The following PDHX variants were observed in gnomAD, a reference collection of about 807,000 sequenced individuals.
PDHX encodes the protein pyruvate dehydrogenase complex component X.
In PDHX, 33 loss-of-function variants were observed where a neutral mutation model predicts 55.3. That is an observed-to-expected ratio of 0.60 (90% CI 0.45 to 0.80). The LOEUF is 0.80. PDHX is among the 30% of genes least tolerant of loss of function. The pLI, the probability that PDHX is intolerant of heterozygous loss-of-function variation, is 0.00. For missense variants in PDHX, 622 were observed against 619.9 expected, an observed-to-expected ratio of 1.00 and a Z score of -0.04; for synonymous variants, 226 against 219.4, an observed-to-expected ratio of 1.03 and a Z score of -0.27.
intron 1 of PDHX, among the ~76,000 whole-genome samples, chr11:34,919,157 T>A (rs1853813492): frequency 6.6e-6 from 1 of 152,220 alleles, no homozygotes; most frequent in African/African-American, 2.4e-5. Context: ...TATTTGGAAG[T>A]GTTGGACTTT....
chr11:34,924,690 T>G (rs1006652402), intron 1 of PDHX, among the ~76,000 whole-genome samples: 3 of 152,172 alleles, frequency 2.0e-5, no homozygotes, highest in Non-Finnish European at 4.4e-5. Context: ...TCCTTGAGTT[T>G]TTTTAAATTA....
At chr11:34,948,189 C>G (rs1225228009) in intron 3 of PDHX, among the ~76,000 whole-genome samples, 1 of 152,212 alleles carries the variant, frequency 6.6e-6, no homozygotes, top group East Asian at 1.9e-4. Context: ...ATATGCTCAT[C>G]TCAAGACCTG....
intron 2 of PDHX, among the ~76,000 whole-genome samples, chr11:34,944,213 A>G (rs1186093860): frequency 6.6e-6 from 1 of 151,824 alleles, no homozygotes; most frequent in Non-Finnish European, 1.5e-5. Flanking sequence ...CCCTTCTCCC[A>G]GGTTCAAGTG....
intron 2 of PDHX, among the ~76,000 whole-genome samples, chr11:34,943,314 A>G (rs1337363317): frequency 6.6e-6 from 1 of 152,242 alleles, no homozygotes; most frequent in African/African-American, 2.4e-5. Context: ...TATGTAGGTC[A>G]AGTTACTCAG....
chr11:34,934,914 T>G (rs1590734719), intron 2 of PDHX, among the ~76,000 whole-genome samples: 1 of 139,238 alleles, frequency 7.2e-6, no homozygotes, highest in African/African-American at 2.8e-5. Flanking sequence ...AATAATATTT[T>G]GGTTATATTT....
chr11:34,929,162 C>CA (rs33992348), intron 1 of PDHX, among the ~76,000 whole-genome samples: 121,403 of 152,070 alleles, frequency 0.8, 48,644 homozygotes, highest in African/African-American at 0.83. Context: ...TCCTGTTTTT[C>CA]ATATATAATG....
At chr11:34,918,023 A>T (rs1404617335) in intron 1 of PDHX, among the ~76,000 whole-genome samples, 3 of 152,242 alleles carry the variant, frequency 2.0e-5, no homozygotes, top group Admixed American at 6.5e-5. Context: ...ATGGAATATT[A>T]AAAGTTTAGT....
At chr11:34,916,036 G>A (rs945852846), upstream of PDHX, 2 of 699,122 alleles carry the variant, frequency 2.9e-6, no homozygotes, top group Non-Finnish European at 4.6e-6. Flanking sequence ...CGAGACCACT[G>A]ATCTCCTGGG....
intron 2 of PDHX, among the ~76,000 whole-genome samples, chr11:34,934,264 A>G (rs995365534): frequency 6.6e-6 from 1 of 152,202 alleles, no homozygotes; most frequent in Non-Finnish European, 1.5e-5. Flanking sequence ...AGAAAATTGA[A>G]CCAAATATGT....
intron 3 of PDHX, among the ~76,000 whole-genome samples, chr11:34,948,722 G>C (rs1273779279): frequency 6.6e-6 from 1 of 151,672 alleles, no homozygotes; most frequent in Non-Finnish European, 1.5e-5. Flanking sequence ...GTAGGAATAT[G>C]AATCAAAGCC....
chr11:34,935,100 A>G (rs1854278096), intron 2 of PDHX, among the ~76,000 whole-genome samples: 1 of 152,028 alleles, frequency 6.6e-6, no homozygotes, highest in Non-Finnish European at 1.5e-5. Context: ...TGTATAAGTG[A>G]GGTAAAAGGT....
chr11:34,983,014 A>G (rs1421450002), intron 8 of PDHX, among the ~76,000 whole-genome samples: 1 of 152,232 alleles, frequency 6.6e-6, no homozygotes. Context: ...CATCGATGCA[A>G]ACATCCTCAA....
chr11:34,978,564 A>T (rs1458959178), intron 8 of PDHX, among the ~76,000 whole-genome samples: 1 of 152,102 alleles, frequency 6.6e-6, no homozygotes, highest in East Asian at 1.9e-4. Flanking sequence ...GTGATTTTTC[A>T]AAAGGGAAGC....
Position 34,992,302 on chromosome 11 carries a change from G to A in PDHX, c.1183-13G>A. On this transcript the variant is annotated splice_polypyrimidine_tract_variant and intron_variant, in intron 9 of 10. Coordinates refer to ENST00000227868, the MANE Select transcript of PDHX (RefSeq NM_003477.3). ...TTTTGTTGGTTGTCCTATTCTGTTT[G>A]TATTTTTCTCAGGCTCTATCAAAGA... is the stretch of plus-strand genomic sequence containing the variant. 1 of 1,545,412 alleles carries A rather than the reference G, an allele frequency of 6.5e-7. No individual in the cohort carries two copies. The highest frequency in any genetic ancestry group is 1.4e-5 in the African/African-American group (1 of 73,684).
In PDHX at chr11:34,947,604, G is replaced by T. The variant is rs765036658; in HGVS notation, c.340G>T (p.Val114Leu). ...ASDDGILAKI[V>L]VEEGSKNIRL... ...TGATGATGGAATCTTGGCCAAAATC[G>T]TGGTAAGTTTTTATTTTAATTTTCT... The change falls in exon 3 of 11, where the codon GTG (valine) becomes TTG (leucine). Residue 114 changes from valine to leucine, a missense_variant and splice_region_variant. By Grantham distance (32) the Val-to-Leu change is conservative. Coordinates refer to ENST00000227868, the MANE Select transcript of PDHX (RefSeq NM_003477.3). 8 of 1,596,022 alleles carry T rather than the reference G, an allele frequency of 5.0e-6. No individual in the cohort carries two copies. In the African/African-American group the frequency reaches 8.0e-5, roughly 16 times the overall value.
intron 3 of PDHX, among the ~76,000 whole-genome samples, chr11:34,954,446 T>G (rs1470498107): frequency 2.0e-5 from 3 of 152,220 alleles, no homozygotes; most frequent in African/African-American, 7.2e-5. Context: ...ATGTCTCTGG[T>G]ACAGAAGCCT....
chr11:34,949,442 T>C (rs1451340059), intron 3 of PDHX, among the ~76,000 whole-genome samples: 2 of 152,208 alleles, frequency 1.3e-5, no homozygotes, highest in Non-Finnish European at 2.9e-5. Flanking sequence ...TTCTCCAATT[T>C]GGTCAGGCTG....
At chr11:34,918,732 A>G (rs1853804179) in intron 1 of PDHX, among the ~76,000 whole-genome samples, 1 of 152,202 alleles carries the variant, frequency 6.6e-6, no homozygotes, top group Non-Finnish European at 1.5e-5. Flanking sequence ...CCGAAGTCCA[A>G]AATGGATCTA....
At chr11:34,944,221 G>A (rs2133959626) in intron 2 of PDHX, among the ~76,000 whole-genome samples, 1 of 152,094 alleles carries the variant, frequency 6.6e-6, no homozygotes, top group African/African-American at 2.4e-5. Flanking sequence ...CCAGGTTCAA[G>A]TGATTCTTCT....
Sources: gnomAD v4.1 joint callset for allele counts (sites outside exome capture counted in the v4.1 genomes callset) on GRCh38, gnomAD v4.1.1 for gene constraint, MANE v1.5 for transcripts, NCBI Gene and HGNC (gene_info 2026-07-23, HGNC 2026-07-21) for gene names.